Variants in HSD17B12 observed in about 807,000 individuals in gnomAD.
HSD17B12 encodes hydroxysteroid 17-beta dehydrogenase 12.
HSD17B12 carries 32 observed loss-of-function variants against 39.3 expected under a neutral mutation model. The observed-to-expected ratio is 0.81, with a 90% confidence interval of 0.61 to 1.09. HSD17B12 has a LOEUF of 1.09. Among genes scored for constraint, HSD17B12 ranks in the 50% least tolerant of loss-of-function variants. HSD17B12 has a pLI of 0.00. For synonymous variants in HSD17B12, 150 were observed against 146.7 expected, an observed-to-expected ratio of 1.02 and a Z score of -0.16; for missense variants, 342 against 382.9, an observed-to-expected ratio of 0.89 and a Z score of 0.89.
In HSD17B12 at chr11:43,752,414, T is replaced by TA. The variant is rs371855893; in HGVS notation, c.207+1463dup. Reference sequence around the variant, plus strand: ...CTAGATTGGTTATTACCATGGTGGTTAAAAAATGGTGATTTTTGGCCAGGT... The same window carrying TA: ...CTAGATTGGTTATTACCATGGTGGTTAAAAAAATGGTGATTTTTGGCCAGGT... On this transcript the variant is annotated intron_variant, in intron 2 of 10. Coordinates refer to ENST00000278353, the MANE Select transcript of HSD17B12 (RefSeq NM_016142.3). 7.1e-3 allele frequency among the ~76,000 whole-genome samples: 1,076 copies of TA among 152,268 alleles called. 9 individuals are homozygous for TA. Among genetic ancestry groups the TA allele is most frequent in the Non-Finnish European group, 0.011 (733 of 68,014 alleles).
intron 3 of HSD17B12, chr11:43,755,615 G>A (rs949433852): frequency 7.9e-5 from 12 of 152,250 alleles, no homozygotes; most frequent in African/African-American, 2.6e-4. Flanking sequence ...GATGAGAGAG[G>A]ATTTCTTCTA....
intron 3 of HSD17B12, among the ~76,000 whole-genome samples, chr11:43,763,606 T>G (rs34723209): frequency 2.9e-5 from 4 of 136,380 alleles, no homozygotes; most frequent in African/African-American, 1.1e-4. Flanking sequence ...ATATATAAGG[T>G]TATCTTATAT....
At chr11:43,715,172 GT>G (rs1321704224) in intron 1 of HSD17B12, among the ~76,000 whole-genome samples, 1 of 152,058 alleles carries the variant, frequency 6.6e-6, no homozygotes, top group Non-Finnish European at 1.5e-5. Flanking sequence ...TTGAATAGGA[GT>G]GGTGAGAGAG....
chr11:43,645,907 G>A, the HSD17B12 span: 3 of 152,400 alleles, frequency 2.0e-5, no homozygotes, highest in African/African-American at 7.2e-5. Flanking sequence ...CTTGAACCCA[G>A]GAGGTGGAGA....
intron 4 of HSD17B12, among the ~76,000 whole-genome samples, chr11:43,814,429 A>G (rs1951102186): frequency 6.6e-6 from 1 of 152,150 alleles, no homozygotes; most frequent in African/African-American, 2.4e-5. Context: ...TGAGTTATTT[A>G]TTTAGTTAAA....
the HSD17B12 span, among the ~76,000 whole-genome samples, chr11:43,568,073 TG>T: frequency 6.6e-6 from 1 of 152,144 alleles, no homozygotes; most frequent in Admixed American, 6.5e-5. Flanking sequence ...CAGCCCTGTT[TG>T]TTTTTTTATT....
chr11:43,684,407 A>C (rs1168369281), intron 1 of HSD17B12, among the ~76,000 whole-genome samples: 1 of 152,244 alleles, frequency 6.6e-6, no homozygotes, highest in African/African-American at 2.4e-5. Flanking sequence ...GAGCAATAAA[A>C]AATGTGATCT....
At chr11:43,822,136 C>A (rs1951188948) in intron 6 of HSD17B12, among the ~76,000 whole-genome samples, 1 of 152,068 alleles carries the variant, frequency 6.6e-6, no homozygotes, top group Non-Finnish European at 1.5e-5. Flanking sequence ...ATGTTCTTAC[C>A]TTCTTTATTA....
chr11:43,753,947 C>A (rs999980267), intron 2 of HSD17B12, 99 bp from the exon 3 acceptor site: 19 of 656,270 alleles, frequency 2.9e-5, no homozygotes, highest in Middle Eastern at 2.7e-4. Context: ...ATATTTTGAA[C>A]TATCATCTGG....
At chr11:43,635,209 C>G in the HSD17B12 span, among the ~76,000 whole-genome samples, 1 of 152,026 alleles carries the variant, frequency 6.6e-6, no homozygotes, top group Admixed American at 6.6e-5. Flanking sequence ...GTGAAAAAAA[C>G]TTTTAGATCC....
the HSD17B12 span, among the ~76,000 whole-genome samples, chr11:43,596,599 AT>A: frequency 1.3e-5 from 2 of 150,544 alleles, no homozygotes; most frequent in Middle Eastern, 3.5e-3. Context: ...TACCTGGCTA[AT>A]TTTTTTTTCT....
chr11:43,690,391 TA>T (rs60788814), intron 1 of HSD17B12, among the ~76,000 whole-genome samples: 951 of 24,698 alleles, frequency 0.039, 71 homozygotes, highest in Non-Finnish European at 0.054. Context: ...TATATATATA[TA>T]TATATATATA....
intron 7 of HSD17B12, among the ~76,000 whole-genome samples, chr11:43,837,350 G>A (rs1951381165): frequency 6.6e-6 from 1 of 152,096 alleles, no homozygotes; most frequent in South Asian, 2.1e-4. Flanking sequence ...ACCTAGTATG[G>A]GAGATAGGAG....
upstream of HSD17B12, among the ~76,000 whole-genome samples, chr11:43,679,794 C>T (rs777487803): frequency 2.6e-5 from 4 of 152,150 alleles, no homozygotes; most frequent in Non-Finnish European, 5.9e-5. Flanking sequence ...CCTTGAACCC[C>T]AAATCGTTGG....
the HSD17B12 span, among the ~76,000 whole-genome samples, chr11:43,595,438 C>A: frequency 2.0e-5 from 3 of 152,202 alleles, no homozygotes; most frequent in African/African-American, 7.2e-5. Context: ...GTTACATGCA[C>A]ACCCTCTCCC....
At chr11:43,644,498 A>G in the HSD17B12 span, 3 of 152,462 alleles carry the variant, frequency 2.0e-5, no homozygotes, top group Non-Finnish European at 1.5e-5. Flanking sequence ...GTCGTCTGGC[A>G]TTCTGCCTTT....
At chr11:43,692,587 G>A (rs778584162) in intron 1 of HSD17B12, among the ~76,000 whole-genome samples, 6 of 152,138 alleles carry the variant, frequency 3.9e-5, no homozygotes, top group East Asian at 1.9e-4. Context: ...TTACAAAATT[G>A]TTGTGAGTAG....
the HSD17B12 span, among the ~76,000 whole-genome samples, chr11:43,596,383 T>C: frequency 6.6e-6 from 1 of 152,038 alleles, no homozygotes; most frequent in Non-Finnish European, 1.5e-5. Context: ...AAAAAGATGG[T>C]GTGCTTTTCT....
chr11:43,743,810 A>T (rs574258893), intron 1 of HSD17B12, among the ~76,000 whole-genome samples: 1 of 152,216 alleles, frequency 6.6e-6, no homozygotes, highest in Non-Finnish European at 1.5e-5. Context: ...CGATATTTTA[A>T]TGCAGCCAAG....
Sources: allele counts gnomAD v4.1 joint callset (sites outside exome capture counted in the v4.1 genomes callset), GRCh38; gene constraint gnomAD v4.1.1; transcripts MANE v1.5; gene names NCBI Gene and HGNC (gene_info 2026-07-23, HGNC 2026-07-21).